Variants in SLC7A8 observed in about 807,000 individuals in gnomAD.
SLC7A8 encodes solute carrier family 7 member 8, also known as large neutral amino acids transporter small subunit 2.
A neutral mutation model predicts 51.2 loss-of-function variants in SLC7A8; 30 were observed. That is an observed-to-expected ratio of 0.59 (90% CI 0.44 to 0.80). The LOEUF (loss-of-function observed/expected upper bound fraction) is 0.80, where lower values mean the gene tolerates loss of function less well. SLC7A8 is among the 30% of genes least tolerant of loss of function. The probability of loss-of-function intolerance (pLI) is 0.00; values close to 1 mark genes in which losing one functional copy is unlikely to be tolerated. For missense variants in SLC7A8, 612 were observed against 674.4 expected (o/e 0.91, Z 1.03); for synonymous variants, 257 against 275.8 (o/e 0.93, Z 0.67).
Position 23,180,895 on chromosome 14 carries a change from T to C in SLC7A8, c.151+1869A>G, listed in dbSNP as rs376725867. Reference sequence around the variant, plus strand: ...AAAAAAAATTAGCAGGGCGTGGTGGTGGGCGCCTGTAGTCCCAGCTACTCG... The same window carrying C: ...AAAAAAAATTAGCAGGGCGTGGTGGCGGGCGCCTGTAGTCCCAGCTACTCG... On this transcript the variant is annotated intron_variant, in intron 1 of 10. Transcript: ENST00000316902. Among the ~76,000 whole-genome samples, 724 of 152,084 alleles carry C rather than the reference T, an allele frequency of 4.8e-3. 6 individuals are homozygous for C. The highest frequency in any genetic ancestry group is 0.014 in the African/African-American group (597 of 41,498).
intron 1 of SLC7A8, among the ~76,000 whole-genome samples, chr14:23,167,535 G>C (rs1308243156): frequency 2.0e-5 from 3 of 151,992 alleles, no homozygotes; most frequent in Non-Finnish European, 4.4e-5. Flanking sequence ...CCCGCAGCCG[G>C]TACTGAATGG....
intron 3 of SLC7A8, among the ~76,000 whole-genome samples, chr14:23,150,660 T>G (rs2048838712): frequency 6.6e-6 from 1 of 152,218 alleles, no homozygotes; most frequent in South Asian, 2.1e-4. Flanking sequence ...TTATTTTTAT[T>G]GTTCATCTTA....
chr14:23,152,944 G>T (rs1381484170), intron 3 of SLC7A8, among the ~76,000 whole-genome samples: 1 of 152,118 alleles, frequency 6.6e-6, no homozygotes, highest in African/African-American at 2.4e-5. Flanking sequence ...GGGCTGGATT[G>T]GTTGTTATAA....
intron 3 of SLC7A8, among the ~76,000 whole-genome samples, chr14:23,148,517 C>T (rs575875308): frequency 2.6e-5 from 4 of 152,268 alleles, no homozygotes; most frequent in South Asian, 4.2e-4. Flanking sequence ...CCTGAGCCAC[C>T]GCGCCCAGCC....
At chr14:23,161,282 C>G (rs1000834428) in intron 3 of SLC7A8, among the ~76,000 whole-genome samples, 1 of 152,044 alleles carries the variant, frequency 6.6e-6, no homozygotes, top group South Asian at 2.1e-4. Context: ...CTCCCTCCCC[C>G]AGCAAACCCT....
chr14:23,135,441 G>A (rs1321671528), intron 7 of SLC7A8, among the ~76,000 whole-genome samples: 2 of 151,288 alleles, frequency 1.3e-5, no homozygotes, highest in Middle Eastern at 3.2e-3. Flanking sequence ...GGTGGCTCAC[G>A]CCTGTAATTC....
At chr14:23,167,749 T>C (rs2268876) in intron 1 of SLC7A8, among the ~76,000 whole-genome samples, 31,567 of 151,968 alleles carry the variant, frequency 0.21, 3,574 homozygotes, top group East Asian at 0.45. Context: ...AGAGACCAAA[T>C]GGATCCAGGT....
intron 3 of SLC7A8, among the ~76,000 whole-genome samples, chr14:23,148,660 CAG>C (rs896436467): frequency 6.6e-6 from 1 of 152,174 alleles, no homozygotes; most frequent in African/African-American, 2.4e-5. Flanking sequence ...AAACATCAGA[CAG>C]AGAGAAAGAG....
intron 1 of SLC7A8, among the ~76,000 whole-genome samples, chr14:23,168,901 C>G (rs891257996): frequency 2.0e-5 from 3 of 152,198 alleles, no homozygotes; most frequent in South Asian, 2.1e-4. Flanking sequence ...CACTTCTTGC[C>G]TTTGCTTCTT....
intron 1 of SLC7A8, among the ~76,000 whole-genome samples, chr14:23,178,026 A>G (rs1263948035): frequency 2.0e-5 from 3 of 152,232 alleles, no homozygotes; most frequent in African/African-American, 4.8e-5. Context: ...TTTGAATCCT[A>G]GCTCCAATAT....
At chr14:23,161,225 TCTC>T (rs2048920190) in intron 3 of SLC7A8, among the ~76,000 whole-genome samples, 1 of 151,506 alleles carries the variant, frequency 6.6e-6, no homozygotes, top group Non-Finnish European at 1.5e-5. Context: ...TCTCATCAGT[TCTC>T]CTCCAAAACA....
chr14:23,129,665 G>A lies in SLC7A8; in HGVS notation c.1248C>T (p.Ile416=), dbSNP rs753488263. 93 of 1,614,074 alleles carry A rather than the reference G, an allele frequency of 5.8e-5. No individual in the cohort carries two copies. Among genetic ancestry groups the A allele is most frequent in the Non-Finnish European group, 6.7e-5 (79 of 1,180,024 alleles). The change falls in exon 9 of 11, where the codon ATC becomes ATT. Residue 416 remains isoleucine (I), a synonymous_variant. Transcript: ENST00000316902. ...TTTCTCTCACCTTGATGGGGCGGGG[G>A]ATATCAGGCTTCTTCCAGCGAAGGA... ...QIVLRWKKPD[I]PRPIKINLLF... is the part of the protein sequence containing the mutation.
At chr14:23,155,207 G>A (rs772144855) in intron 3 of SLC7A8, 1 of 1,535,998 alleles carries the variant, frequency 6.5e-7, no homozygotes, top group South Asian at 1.2e-5. Flanking sequence ...AGGAGAGGAG[G>A]TGCTCTGAGC....
At chr14:23,158,644 G>A (rs939317346) in intron 3 of SLC7A8, among the ~76,000 whole-genome samples, 14 of 152,158 alleles carry the variant, frequency 9.2e-5, no homozygotes, top group Non-Finnish European at 1.5e-4. Context: ...GCGCCCGGCC[G>A]ACATAGAACA....
rs116296425 is a variant in SLC7A8 at position 23,143,030 on chromosome 14, T to C, written c.634+49A>G. ...AAGCTGGGCTGAGAGGGTGTGTACA[T>C]GCAAGGGGAGGAAAGCTGGGCAGTA... On this transcript the variant is annotated intron_variant, in intron 4 of 10. Coordinates refer to ENST00000316902, the MANE Select transcript of SLC7A8 (RefSeq NM_012244.4). 9.3e-4 allele frequency: 1,495 copies of C among 1,607,824 alleles called. 10 individuals are homozygous for C. In the African/African-American group the frequency reaches 0.017, roughly 19 times the overall value.
chr14:23,137,880 A>G (rs367778983), intron 7 of SLC7A8, 41 bp downstream of exon 7: 2 of 1,607,306 alleles, frequency 1.2e-6, no homozygotes, highest in African/African-American at 2.7e-5. Flanking sequence ...AGTGCACAGC[A>G]GAGTGGCCCC....
At chr14:23,174,037 C>T (rs2048987767) in intron 1 of SLC7A8, among the ~76,000 whole-genome samples, 1 of 152,192 alleles carries the variant, frequency 6.6e-6, no homozygotes, top group South Asian at 2.1e-4. Context: ...AATAGGGAAG[C>T]GGTTTGCAAA....
At chr14:23,155,442 T>C (rs1469282177) in intron 3 of SLC7A8, 1 of 1,433,936 alleles carries the variant, frequency 7.0e-7, no homozygotes, top group Non-Finnish European at 9.1e-7. Flanking sequence ...GAGCTGGGGT[T>C]TCTGCTGAAT....
intron 4 of SLC7A8, among the ~76,000 whole-genome samples, chr14:23,141,630 T>A (rs2048746451): frequency 6.6e-6 from 1 of 152,052 alleles, no homozygotes; most frequent in South Asian, 2.1e-4. Context: ...TTTTTTGTAT[T>A]TTTAGTAGAT....
Sources: allele counts gnomAD v4.1 joint callset (sites outside exome capture counted in the v4.1 genomes callset), GRCh38; gene constraint gnomAD v4.1.1; transcripts MANE v1.5; gene names NCBI Gene and HGNC (gene_info 2026-07-23, HGNC 2026-07-21).